Variants in CRISPLD1 observed in about 807,000 individuals in gnomAD.
CRISPLD1 encodes the protein cysteine-rich secretory protein LCCL domain-containing 1.
Under a neutral mutation model 77.5 loss-of-function variants are expected in CRISPLD1, and 60 were observed. The observed-to-expected ratio is 0.77, with a 90% CI of 0.63 to 0.96. The LOEUF (loss-of-function observed/expected upper bound fraction) is 0.96. Among genes scored for constraint, CRISPLD1 ranks in the 40% least tolerant of loss-of-function variants. The probability of loss-of-function intolerance (pLI) is 0.00; values close to 1 mark genes in which losing one functional copy is unlikely to be tolerated. For synonymous variants in CRISPLD1, 195 were observed against 200.1 expected (o/e 0.97, Z 0.22); for missense variants, 623 against 615.8 (o/e 1.01, Z -0.12).
Position 75,033,359 on chromosome 8 carries a change from A to G in CRISPLD1, c.*1117A>G, listed in dbSNP as rs865856243. 2 of 152,112 alleles carry G rather than the reference A, an allele frequency of 1.3e-5. No individual in the cohort carries two copies. Among genetic ancestry groups the G allele is most frequent in the Non-Finnish European group, 2.9e-5 (2 of 67,868 alleles). 9.4% of individuals were successfully genotyped at this position (152,112 alleles called of 1,614,324 possible). A position where few individuals can be genotyped will look rare whatever the true frequency, so the allele number is the denominator to read the frequency against. ...TGATTTAGAAATCACTTTAAGATAAATGAACAAAATTATTGTAAGTCTTCT... is the reference window on the plus strand; with the variant it reads ...TGATTTAGAAATCACTTTAAGATAAGTGAACAAAATTATTGTAAGTCTTCT... On this transcript the variant is annotated 3_prime_UTR_variant, in exon 15 of 15. Transcript: ENST00000262207.
At chr8:75,018,762 T>A (rs1813081598) in intron 10 of CRISPLD1, among the ~76,000 whole-genome samples, 1 of 152,052 alleles carries the variant, frequency 6.6e-6, no homozygotes, top group South Asian at 2.1e-4. Flanking sequence ...AACTAATTTT[T>A]GTTATTTTTA....
rs1009814303 is a variant in CRISPLD1 at position 75,033,505 on chromosome 8, A to G, written c.*1263A>G. On this transcript the variant is annotated 3_prime_UTR_variant, in exon 15 of 15. Coordinates refer to ENST00000262207, the MANE Select transcript of CRISPLD1 (RefSeq NM_031461.6). ...CACATATTTAGAAACACAGCAAGGG[A>G]GATTTTGAATAAAGAGAGAGATGAA... 9.2e-5 allele frequency: 14 copies of G among 152,010 alleles called. No homozygotes were observed. The highest frequency in any genetic ancestry group is 3.4e-4 in the African/African-American group (14 of 41,440). 9.4% of individuals were successfully genotyped at this position (152,010 alleles called of 1,614,324 possible). A position where few individuals can be genotyped will look rare whatever the true frequency, so the allele number is the denominator to read the frequency against.
chr8:75,012,310 C>A (rs1360035604), intron 2 of CRISPLD1, 123 bp from the exon 3 acceptor site: 2 of 671,794 alleles, frequency 3.0e-6, no homozygotes, highest in East Asian at 2.6e-5. Flanking sequence ...TGATGAGAAT[C>A]CAGACTATGA....
chr8:75,013,219 T>C (rs933373790), intron 4 of CRISPLD1, among the ~76,000 whole-genome samples, 197 bp downstream of exon 4: 2 of 152,116 alleles, frequency 1.3e-5, no homozygotes, highest in African/African-American at 4.8e-5. Context: ...TCCAAACATC[T>C]ACTTAAAAAG....
intron 12 of CRISPLD1, among the ~76,000 whole-genome samples, chr8:75,024,576 C>T (rs1464665864): frequency 2.0e-5 from 3 of 152,104 alleles, no homozygotes; most frequent in East Asian, 1.9e-4. Context: ...CCACCCACCT[C>T]GGCCTCCCAG....
chr8:75,020,124 T>G (rs752282464), intron 12 of CRISPLD1, 45 bp downstream of exon 12: 49 of 1,493,102 alleles, frequency 3.3e-5, no homozygotes, highest in Non-Finnish European at 3.9e-5. Flanking sequence ...GTGATAACTG[T>G]TTTTGCCTGA....
At chr8:74,993,269 G>GTT (rs1345469452) in intron 2 of CRISPLD1, among the ~76,000 whole-genome samples, 1 of 152,038 alleles carries the variant, frequency 6.6e-6, no homozygotes, top group East Asian at 1.9e-4. Context: ...TAAAATAAGA[G>GTT]TTTTCTCTCT....
intron 2 of CRISPLD1, among the ~76,000 whole-genome samples, chr8:74,988,503 C>T (rs994365359): frequency 1.3e-5 from 2 of 152,094 alleles, no homozygotes; most frequent in African/African-American, 2.4e-5. Context: ...TATTACATTT[C>T]TACCCCTATT....
chr8:75,008,063 C>T (rs1812865480), intron 2 of CRISPLD1, among the ~76,000 whole-genome samples: 1 of 152,122 alleles, frequency 6.6e-6, no homozygotes, highest in African/African-American at 2.4e-5. Flanking sequence ...TCATGCTGAA[C>T]TAGTTTAAAA....
At chr8:75,029,141 A>G (rs1181654218) in intron 13 of CRISPLD1, among the ~76,000 whole-genome samples, 1 of 152,178 alleles carries the variant, frequency 6.6e-6, no homozygotes, top group African/African-American at 2.4e-5. Context: ...TTGCTAGATT[A>G]GATTGGGGAG....
intron 2 of CRISPLD1, among the ~76,000 whole-genome samples, chr8:74,987,360 A>G (rs907724002): frequency 5.3e-5 from 8 of 152,206 alleles, no homozygotes; most frequent in East Asian, 3.9e-4. Flanking sequence ...CGCACTAGCT[A>G]TGTGACATTG....
intron 2 of CRISPLD1, among the ~76,000 whole-genome samples, chr8:75,011,124 T>TTAG (rs1812922223): frequency 6.8e-6 from 1 of 146,982 alleles, no homozygotes; most frequent in South Asian, 2.1e-4. Context: ...TTTTGTATCT[T>TTAG]TATTATTATT....
intron 2 of CRISPLD1, among the ~76,000 whole-genome samples, chr8:75,006,513 CAG>C (rs1230391826): frequency 6.6e-6 from 1 of 152,018 alleles, no homozygotes; most frequent in Non-Finnish European, 1.5e-5. Context: ...TAGCTTCATC[CAG>C]TTTGGTGAAA....
Position 75,034,424 on chromosome 8 carries a change from T to C in CRISPLD1, c.*2182T>C, listed in dbSNP as rs575287972. On this transcript the variant is annotated 3_prime_UTR_variant, in exon 15 of 15. Transcript: ENST00000262207. Reference sequence around the variant, plus strand: ...TTTTCTGTTATAATCATTTTTGTTATCTAATTTGGGGAAACTATTCATCTG... The same window carrying C: ...TTTTCTGTTATAATCATTTTTGTTACCTAATTTGGGGAAACTATTCATCTG... 2.0e-5 allele frequency: 3 copies of C among 152,216 alleles called. No homozygotes were observed. The highest frequency in any genetic ancestry group is 3.9e-4 in the East Asian group (2 of 5,182). The allele number at this position is 152,216 out of a possible 1,614,324, so 9.4% of individuals were successfully genotyped here. A position where few individuals can be genotyped will look rare whatever the true frequency, so the allele number is the denominator to read the frequency against.
chr8:75,033,203 G>A lies in CRISPLD1; in HGVS notation c.*961G>A. On this transcript the variant is annotated 3_prime_UTR_variant, in exon 15 of 15. Coordinates refer to ENST00000262207, the MANE Select transcript of CRISPLD1 (RefSeq NM_031461.6). ...TATTGTGCTTTGATACTAAAAATCT[G>A]TAAAATGTTAGTTTTGGTAATTTTT... The A allele has an allele frequency of 6.6e-6, 1 of 152,120 alleles. No homozygotes were observed. The highest frequency in any genetic ancestry group is 1.9e-4 in the East Asian group (1 of 5,178). The allele number at this position is 152,120 out of a possible 1,614,324, so 9.4% of individuals were successfully genotyped here.
At chr8:74,990,089 G>A (rs766358680) in intron 2 of CRISPLD1, among the ~76,000 whole-genome samples, 16 of 152,120 alleles carry the variant, frequency 1.1e-4, no homozygotes, top group South Asian at 4.2e-4. Flanking sequence ...GATAAACACC[G>A]GAGACTTGGA....
intron 2 of CRISPLD1, among the ~76,000 whole-genome samples, chr8:75,008,556 C>T (rs916699039): frequency 6.6e-6 from 1 of 152,130 alleles, no homozygotes; most frequent in Non-Finnish European, 1.5e-5. Flanking sequence ...TTGACCTAAA[C>T]AGGTATGCTT....
intron 14 of CRISPLD1, 65 bp downstream of exon 14, chr8:75,029,582 T>A: frequency 2.0e-6 from 3 of 1,502,224 alleles, no homozygotes; most frequent in Non-Finnish European, 2.7e-6. Flanking sequence ...ATGATTGCTT[T>A]ACAGTTGACC....
chr8:75,020,084 A>G lies in CRISPLD1; in HGVS notation c.1244+5A>G. ...GCCTGCTTCACATTGCCCAAGGTAA[A>G]CCAGTGTACACATAGGGGGCTTTGG... On this transcript the variant is annotated splice_donor_5th_base_variant and intron_variant, in intron 12 of 14. Coordinates refer to ENST00000262207, the MANE Select transcript of CRISPLD1 (RefSeq NM_031461.6). 2 of 1,612,028 alleles carry G rather than the reference A, an allele frequency of 1.2e-6. No homozygotes were observed. Among genetic ancestry groups the G allele is most frequent in the South Asian group, 2.2e-5 (2 of 91,036 alleles).
Sources: gnomAD v4.1 joint callset for allele counts (sites outside exome capture counted in the v4.1 genomes callset) on GRCh38, gnomAD v4.1.1 for gene constraint, MANE v1.5 for transcripts, NCBI Gene and HGNC (gene_info 2026-07-23, HGNC 2026-07-21) for gene names.